The following TMEM41B variants were observed in gnomAD, a reference collection of about 807,000 sequenced individuals.
TMEM41B encodes the protein transmembrane protein 41B, also known as protein stasimon.
In TMEM41B, 18 loss-of-function variants were observed where a neutral mutation model predicts 31.9. The ratio of observed to expected loss-of-function variants is 0.56; its 90% confidence interval spans 0.39 to 0.84. TMEM41B has a LOEUF of 0.84. TMEM41B is among the 40% of genes least tolerant of loss of function. TMEM41B has a pLI of 0.00. For synonymous variants in TMEM41B, 144 were observed against 124.3 expected, an observed-to-expected ratio of 1.16 and a Z score of -1.05; for missense variants, 322 against 348.0, an observed-to-expected ratio of 0.93 and a Z score of 0.59.
At chr11:9,296,603 C>CAAAAAAAAA (rs1164835040) in intron 2 of TMEM41B, among the ~76,000 whole-genome samples, 18 of 118,828 alleles carry the variant, frequency 1.5e-4, no homozygotes, top group African/African-American at 3.2e-4. Context: ...GACTCCGTCT[C>CAAAAAAAAA]AAAAAAAAAA....
chr11:9,303,657 T>C (rs964515615), intron 1 of TMEM41B, among the ~76,000 whole-genome samples: 17 of 140,668 alleles, frequency 1.2e-4, no homozygotes, highest in African/African-American at 1.6e-4. Flanking sequence ...TTTCTTTTTT[T>C]TTTTTTTTTT....
intron 1 of TMEM41B, among the ~76,000 whole-genome samples, chr11:9,312,074 C>T (rs957028430): frequency 6.6e-6 from 1 of 152,210 alleles, no homozygotes; most frequent in Non-Finnish European, 1.5e-5. Context: ...ACAGGCCAAC[C>T]TCATCGCCTA....
intron 3 of TMEM41B, among the ~76,000 whole-genome samples, chr11:9,292,457 A>C (rs988441584): frequency 2.6e-5 from 4 of 152,174 alleles, no homozygotes; most frequent in Non-Finnish European, 5.9e-5. Context: ...TAGTATTAAT[A>C]ATCTAAAACG....
At chr11:9,310,422 C>T (rs920073205) in intron 1 of TMEM41B, among the ~76,000 whole-genome samples, 2 of 151,886 alleles carry the variant, frequency 1.3e-5, no homozygotes, top group Non-Finnish European at 2.9e-5. Flanking sequence ...TCCCAAAGCA[C>T]TGATATTTTC....
At chr11:9,313,802 C>G (rs1387323599) in intron 1 of TMEM41B, among the ~76,000 whole-genome samples, 2 of 152,288 alleles carry the variant, frequency 1.3e-5, no homozygotes, top group South Asian at 2.1e-4. Flanking sequence ...AGTTCAGACA[C>G]TGAGCTTTTT....
At chr11:9,301,222 C>T (rs1853248570) in intron 1 of TMEM41B, among the ~76,000 whole-genome samples, 1 of 151,918 alleles carries the variant, frequency 6.6e-6, no homozygotes, top group Non-Finnish European at 1.5e-5. Flanking sequence ...GGTGAACCCC[C>T]ATCTCTACTA....
chr11:9,283,382 G>A lies in TMEM41B; in HGVS notation c.*42C>T, dbSNP rs775857968. 1.1e-5 allele frequency: 16 copies of A among 1,497,010 alleles called. No individual in the cohort carries two copies. Among genetic ancestry groups the A allele is most frequent in the African/African-American group, 1.4e-5 (1 of 71,176 alleles). 92.7% of individuals were successfully genotyped at this position (1,497,010 alleles called of 1,614,324 possible). A position where few individuals can be genotyped will look rare whatever the true frequency, so the allele number is the denominator to read the frequency against. On this transcript the variant is annotated 3_prime_UTR_variant, in exon 7 of 7. Coordinates refer to ENST00000528080, the MANE Select transcript of TMEM41B (RefSeq NM_015012.4). The stretch of plus-strand genomic sequence containing the variant: ...ATAAATGGATGCACCTGTTAATCCT[G>A]AGATGGTGATGACAGCAAAACTAAA...
At chr11:9,301,113 T>C (rs1345500178) in intron 1 of TMEM41B, among the ~76,000 whole-genome samples, 1 of 151,916 alleles carries the variant, frequency 6.6e-6, no homozygotes, top group African/African-American at 2.4e-5. Context: ...GTATACTATA[T>C]GGCCCGGCAT....
At chr11:9,297,995 T>C (rs1213890726) in intron 2 of TMEM41B, among the ~76,000 whole-genome samples, 1 of 145,074 alleles carries the variant, frequency 6.9e-6, no homozygotes, top group Non-Finnish European at 1.5e-5. Context: ...GCCCAGGAGG[T>C]TGAGGCTGCA....
intron 1 of TMEM41B, among the ~76,000 whole-genome samples, chr11:9,312,796 C>G (rs914428388): frequency 6.7e-6 from 1 of 148,232 alleles, no homozygotes; most frequent in Non-Finnish European, 1.5e-5. Context: ...CCCAGCTACT[C>G]GGGAGGCTGA....
chr11:9,306,478 C>G (rs927817733), intron 1 of TMEM41B, among the ~76,000 whole-genome samples: 1 of 151,746 alleles, frequency 6.6e-6, no homozygotes, highest in Non-Finnish European at 1.5e-5. Flanking sequence ...GTCAGGAGAT[C>G]GAGACCATCC....
At chr11:9,295,011 A>T in intron 3 of TMEM41B, 1 of 414,114 alleles carries the variant, frequency 2.4e-6, no homozygotes, top group Non-Finnish European at 3.6e-6. Context: ...AATAAAGGAA[A>T]ATGTTTGGTA....
At position 9,305,929 on chromosome 11, in the gene TMEM41B, T is replaced by C. The variant is rs143064160; in HGVS notation, c.122-6228A>G. On this transcript the variant is annotated intron_variant, in intron 1 of 6. Transcript: ENST00000528080. ...ATTTATAATGTGCCTTATGGCCACA[T>C]TACACACATGTGCCTTTTAGCATTT... Among the ~76,000 whole-genome samples the C allele has an allele frequency of 6.6e-5, 10 of 151,832 alleles. 1 individual carries two copies. The East Asian group carries it at 1.9e-3, about 29-fold the overall frequency.
intron 1 of TMEM41B, among the ~76,000 whole-genome samples, chr11:9,307,987 C>A (rs549010895): frequency 1.7e-4 from 26 of 151,872 alleles, no homozygotes; most frequent in African/African-American, 4.8e-4. Flanking sequence ...CCGCCCACCT[C>A]GGCCTCCCAA....
chr11:9,293,947 G>A (rs1315959992), intron 3 of TMEM41B, among the ~76,000 whole-genome samples: 6 of 152,022 alleles, frequency 3.9e-5, no homozygotes, highest in Non-Finnish European at 8.8e-5. Flanking sequence ...GCTCATGACT[G>A]AAATCCCAGC....
At position 9,302,318 on chromosome 11, in the gene TMEM41B, CTT is replaced by C. The variant is rs1208826496; in HGVS notation, c.122-2619_122-2618del. Among the ~76,000 whole-genome samples the C allele has an allele frequency of 4.0e-5, 4 of 100,342 alleles. 1 individual carries two copies. The highest frequency in any genetic ancestry group is 1.5e-4 in the African/African-American group (4 of 25,976). The allele number at this position is 100,342 out of a possible 152,430, so 65.8% of individuals were successfully genotyped here. ...CCATAGCGCCCGGCATTATTTTTCT[CTT>C]GTTTTAACAATCTTCCTTTTTTCCT... On this transcript the variant is annotated intron_variant, in intron 1 of 6. Coordinates refer to ENST00000528080, the MANE Select transcript of TMEM41B (RefSeq NM_015012.4).
At chr11:9,299,522 C>A in intron 2 of TMEM41B, 62 bp downstream of exon 2, 1 of 1,197,468 alleles carries the variant, frequency 8.4e-7, no homozygotes, top group South Asian at 1.3e-5. Flanking sequence ...TGCACTTGGC[C>A]TTAATCCACT....
intron 3 of TMEM41B, among the ~76,000 whole-genome samples, chr11:9,293,339 G>A (rs192943961): frequency 5.3e-5 from 8 of 152,188 alleles, no homozygotes; most frequent in African/African-American, 1.2e-4. Flanking sequence ...CTGGCCTCAC[G>A]CAATCCTCCT....
rs747439342 is a variant in TMEM41B, at chr11:9,286,409, A to G, written c.706+46T>C. The G allele has an allele frequency of 8.3e-6, 13 of 1,565,880 alleles. No homozygotes were observed. In the South Asian group the frequency reaches 1.3e-4, roughly 16 times the overall value. On this transcript the variant is annotated intron_variant, in intron 6 of 6. Transcript: ENST00000528080. ...ATCTAGCCCAGCTGGACACTGTTAG[A>G]TATGTACACAGTGAGCTCATACACA...
Sources: allele counts gnomAD v4.1 joint callset (sites outside exome capture counted in the v4.1 genomes callset), GRCh38; gene constraint gnomAD v4.1.1; transcripts MANE v1.5; gene names NCBI Gene and HGNC (gene_info 2026-07-23, HGNC 2026-07-21).